Variants in CNTNAP2 observed in about 807,000 individuals in gnomAD.
CNTNAP2 encodes the protein contactin-associated protein-like 2.
A neutral mutation model predicts 155.2 loss-of-function variants in CNTNAP2; 98 were observed. That is an observed-to-expected ratio of 0.63 (90% CI 0.54 to 0.75). The LOEUF (loss-of-function observed/expected upper bound fraction) is 0.75. CNTNAP2 is among the 30% of genes least tolerant of loss of function. CNTNAP2 has a pLI of 0.00. For missense variants in CNTNAP2, 1,727 were observed against 1,688.1 expected (o/e 1.02, Z -0.40); for synonymous variants, 651 against 631.2 (o/e 1.03, Z -0.47).
At chr7:146,850,860 C>T (rs1010086809) in intron 3 of CNTNAP2, among the ~76,000 whole-genome samples, 1 of 152,184 alleles carries the variant, frequency 6.6e-6, no homozygotes, top group African/African-American at 2.4e-5. Context: ...AACTAACCAG[C>T]CTGTGTTCCT....
At chr7:146,941,032 C>T (rs1250435514) in intron 3 of CNTNAP2, among the ~76,000 whole-genome samples, 1 of 151,934 alleles carries the variant, frequency 6.6e-6, no homozygotes, top group Non-Finnish European at 1.5e-5. Context: ...CATTTCTGTA[C>T]TATAGTTAGG....
chr7:147,680,837 T>C (rs1396760789), intron 13 of CNTNAP2, among the ~76,000 whole-genome samples: 1 of 151,266 alleles, frequency 6.6e-6, no homozygotes, highest in Non-Finnish European at 1.5e-5. Flanking sequence ...CATAAACTAA[T>C]ACCTACAAAA....
At chr7:147,565,072 C>T (rs906484536) in intron 12 of CNTNAP2, among the ~76,000 whole-genome samples, 9 of 152,146 alleles carry the variant, frequency 5.9e-5, no homozygotes, top group African/African-American at 2.2e-4. Context: ...GAGGGAGTAA[C>T]AGCATGAAGT....
chr7:147,816,968 C>A (rs147650654), intron 13 of CNTNAP2, among the ~76,000 whole-genome samples: 1 of 152,312 alleles, frequency 6.6e-6, no homozygotes, highest in African/African-American at 2.4e-5. Context: ...ACTGCACCAT[C>A]TATGAAGCAT....
At chr7:147,216,661 T>G (rs1373441315) in intron 8 of CNTNAP2, among the ~76,000 whole-genome samples, 2 of 152,002 alleles carry the variant, frequency 1.3e-5, no homozygotes. Flanking sequence ...TTAAATGTTC[T>G]GGGTCTTTTG....
chr7:146,544,163 A>C (rs980385289), intron 1 of CNTNAP2, among the ~76,000 whole-genome samples: 1 of 151,988 alleles, frequency 6.6e-6, no homozygotes, highest in Non-Finnish European at 1.5e-5. Flanking sequence ...AAGAATGTCT[A>C]ATAACACAGA....
intron 2 of CNTNAP2, among the ~76,000 whole-genome samples, chr7:146,823,653 T>C (rs1052582298): frequency 2.0e-5 from 3 of 151,672 alleles, no homozygotes; most frequent in Non-Finnish European, 2.9e-5. Flanking sequence ...TTCTTCAGTA[T>C]ATTTAAATAT....
chr7:147,812,793 T>A (rs1006456311), intron 13 of CNTNAP2, among the ~76,000 whole-genome samples: 1 of 152,318 alleles, frequency 6.6e-6, no homozygotes, highest in South Asian at 2.1e-4. Context: ...CTATGGGTAA[T>A]GGAAGAGATT....
At chr7:146,521,111 G>A (rs1271242247) in intron 1 of CNTNAP2, among the ~76,000 whole-genome samples, 1 of 151,914 alleles carries the variant, frequency 6.6e-6, no homozygotes, top group Non-Finnish European at 1.5e-5. Flanking sequence ...CTTACCCAAT[G>A]ATTACTTCTT....
chr7:148,111,527 A>G (rs1477562330), intron 15 of CNTNAP2, among the ~76,000 whole-genome samples: 1 of 149,374 alleles, frequency 6.7e-6, no homozygotes, highest in Non-Finnish European at 1.5e-5. Flanking sequence ...CAAAATGTGG[A>G]ACAAAATTAG....
At chr7:146,751,715 C>T (rs983797964) in intron 1 of CNTNAP2, among the ~76,000 whole-genome samples, 2 of 151,996 alleles carry the variant, frequency 1.3e-5, no homozygotes, top group South Asian at 2.1e-4. Context: ...CCCATCAATC[C>T]GTCATGTAGG....
intron 2 of CNTNAP2, among the ~76,000 whole-genome samples, chr7:146,827,311 A>C (rs1314327533): frequency 6.6e-6 from 1 of 151,970 alleles, no homozygotes; most frequent in Admixed American, 6.6e-5. Context: ...TTTGCTACAA[A>C]TTCCATGATT....
chr7:147,321,347 G>A (rs916160567), intron 9 of CNTNAP2, among the ~76,000 whole-genome samples: 5 of 152,226 alleles, frequency 3.3e-5, no homozygotes, highest in Non-Finnish European at 7.3e-5. Context: ...TGGGGCCACA[G>A]GCTTACTTCC....
intron 18 of CNTNAP2, among the ~76,000 whole-genome samples, chr7:148,195,741 T>C (rs1795266464): frequency 6.6e-6 from 1 of 152,220 alleles, no homozygotes; most frequent in African/African-American, 2.4e-5. Context: ...GAATTTAATA[T>C]ATCCTATAAC....
intron 14 of CNTNAP2, among the ~76,000 whole-genome samples, chr7:147,930,122 A>T (rs1366861190): frequency 1.3e-5 from 2 of 152,180 alleles, no homozygotes; most frequent in African/African-American, 4.8e-5. Context: ...CACATACAAA[A>T]GAAAAACAGA....
At chr7:147,243,709 C>T (rs1211036434) in intron 8 of CNTNAP2, among the ~76,000 whole-genome samples, 1 of 152,150 alleles carries the variant, frequency 6.6e-6, no homozygotes, top group Non-Finnish European at 1.5e-5. Context: ...CACTGACTAG[C>T]CTACAAATCA....
At chr7:146,398,556 C>T (rs569189379) in intron 1 of CNTNAP2, among the ~76,000 whole-genome samples, 30 of 152,188 alleles carry the variant, frequency 2.0e-4, no homozygotes, top group Admixed American at 5.2e-4. Context: ...CAACATCAAC[C>T]GGAATCTTGT....
intron 13 of CNTNAP2, among the ~76,000 whole-genome samples, chr7:147,686,122 A>G (rs916888799): frequency 2.0e-5 from 3 of 152,028 alleles, no homozygotes; most frequent in African/African-American, 7.2e-5. Context: ...CACTTAGGAG[A>G]TTATTGAGTA....
At chr7:146,902,372 C>A (rs567605908) in intron 3 of CNTNAP2, among the ~76,000 whole-genome samples, 30 of 152,206 alleles carry the variant, frequency 2.0e-4, no homozygotes, top group African/African-American at 7.2e-4. Flanking sequence ...TTCAAAGAAG[C>A]TATATTACAG....
Sources: gnomAD v4.1 joint callset for allele counts (sites outside exome capture counted in the v4.1 genomes callset) on GRCh38, gnomAD v4.1.1 for gene constraint, MANE v1.5 for transcripts, NCBI Gene and HGNC (gene_info 2026-07-23, HGNC 2026-07-21) for gene names.